Variants in PEMT observed in about 807,000 individuals in gnomAD.
PEMT encodes the protein phospholipid methyltransferase.
A neutral mutation model predicts 27.4 loss-of-function variants in PEMT; 23 were observed. That is an observed-to-expected ratio of 0.84 (90% CI 0.60 to 1.19). The LOEUF (loss-of-function observed/expected upper bound fraction) is 1.19. Ranked by LOEUF, PEMT falls within the 50% of genes most tolerant of loss-of-function variation. The pLI is 0.00. For missense variants in PEMT, 307 were observed against 310.1 expected, an observed-to-expected ratio of 0.99 and a Z score of 0.07; for synonymous variants, 137 against 139.1, an observed-to-expected ratio of 0.98 and a Z score of 0.11.
At chr17:17,506,574 T>C (rs1481334242) in intron 5 of PEMT, among the ~76,000 whole-genome samples, 2 of 152,242 alleles carry the variant, frequency 1.3e-5, no homozygotes, top group Non-Finnish European at 2.9e-5. Context: ...CTGCTCACTC[T>C]TTCCGGGTCT....
At chr17:17,515,779 T>C (rs984840128) in intron 3 of PEMT, among the ~76,000 whole-genome samples, 6 of 152,190 alleles carry the variant, frequency 3.9e-5, no homozygotes, top group African/African-American at 1.4e-4. Flanking sequence ...TGAGGTAATA[T>C]AGGACGCAAT....
In PEMT at chr17:17,561,764, G is replaced by A. The variant is rs1486275157; in HGVS notation, c.204+15156C>T. Among the ~76,000 whole-genome samples, 3 of 152,206 alleles carry A rather than the reference G, an allele frequency of 2.0e-5. No homozygotes were observed. Among genetic ancestry groups the A allele is most frequent in the East Asian group, 3.8e-4 (2 of 5,196 alleles). ...GGGGGCACAACCGCACCGGGCTCCC[G>A]AGGATGGCAAGGGGGACAGACTCCA... On this transcript the variant is annotated intron_variant, in intron 2 of 6. Coordinates refer to ENST00000255389, the MANE Select transcript of PEMT (RefSeq NM_148172.3). The surrounding 1 kb of genome is among the most constrained non-coding windows in gnomAD (Gnocchi z 4.5).
intron 4 of PEMT, among the ~76,000 whole-genome samples, chr17:17,511,315 T>G (rs1010951401): frequency 2.0e-5 from 3 of 152,348 alleles, no homozygotes; most frequent in Non-Finnish European, 4.4e-5. Context: ...CTACAGCGTC[T>G]GCCTGAGCAG....
chr17:17,536,984 G>A (rs931691079), intron 2 of PEMT, among the ~76,000 whole-genome samples: 12 of 152,256 alleles, frequency 7.9e-5, no homozygotes, highest in African/African-American at 2.4e-4. Context: ...GTCTCCCTCA[G>A]CAGGTAAGAC....
chr17:17,549,213 G>A (rs567891885), intron 2 of PEMT, among the ~76,000 whole-genome samples: 5 of 151,848 alleles, frequency 3.3e-5, no homozygotes, highest in South Asian at 2.1e-4. Flanking sequence ...TTTTTGAGAC[G>A]GAGTCTCACT....
intron 2 of PEMT, chr17:17,570,531 T>G (rs924583850): frequency 1.0e-6 from 1 of 984,768 alleles, no homozygotes; most frequent in South Asian, 4.7e-5. Flanking sequence ...GAGGGCAGGG[T>G]GAGGAGGCAT....
At position 17,514,615 on chromosome 17, in the gene PEMT, G is replaced by A. The variant is rs906079786; in HGVS notation, c.321-1961C>T. Among the ~76,000 whole-genome samples the A allele has an allele frequency of 5.3e-5, 8 of 152,234 alleles. No homozygotes were observed. In the East Asian group the frequency reaches 5.8e-4, roughly 11 times the overall value. On this transcript the variant is annotated intron_variant, in intron 3 of 6. Transcript: ENST00000255389. ...CCCTGCCCTGATCCTGCTGCTGCCC[G>A]GGCTCAGGGTCACCCCGCAGCTCCA...
At chr17:17,518,115 G>C in intron 3 of PEMT, 1 of 985,512 alleles carries the variant, frequency 1.0e-6, no homozygotes, top group Non-Finnish European at 1.2e-6. Flanking sequence ...GGAGACTCCA[G>C]GCAATTCCGA....
upstream of PEMT, chr17:17,591,767 G>T (rs1453618289): frequency 7.0e-7 from 1 of 1,436,796 alleles, no homozygotes; most frequent in African/African-American, 1.4e-5. Context: ...TCTGGGAAAT[G>T]TAGTTCCCCG....
At chr17:17,571,748 A>C (rs1911219362) in intron 2 of PEMT, among the ~76,000 whole-genome samples, 1 of 147,060 alleles carries the variant, frequency 6.8e-6, no homozygotes, top group African/African-American at 2.5e-5. Flanking sequence ...TCACTCTGCC[A>C]CCCAAACTGG....
intron 2 of PEMT, among the ~76,000 whole-genome samples, chr17:17,547,427 G>A (rs559422889): frequency 6.6e-6 from 1 of 152,228 alleles, no homozygotes; most frequent in Admixed American, 6.5e-5. Context: ...AGATGCGCTC[G>A]CCAAAGAACA....
Position 17,517,999 on chromosome 17 carries a change from C to G in PEMT, c.320+4281G>C, listed in dbSNP as rs559623596. The G allele has an allele frequency of 1.4e-5, 14 of 985,544 alleles. No homozygotes were observed. In the South Asian group the frequency reaches 5.6e-4, roughly 40 times the overall value. 61.0% of individuals were successfully genotyped at this position (985,544 alleles called of 1,614,324 possible). A position where few individuals can be genotyped will look rare whatever the true frequency, so the allele number is the denominator to read the frequency against. ...CTCCAGGTTGAGGAAGATTCCTGAT[C>G]GACAGCCACACTCCGAGGCCAGGAT... is the stretch of plus-strand genomic sequence containing the variant. On this transcript the variant is annotated intron_variant, in intron 3 of 6. Coordinates refer to ENST00000255389, the MANE Select transcript of PEMT (RefSeq NM_148172.3).
chr17:17,537,598 G>A (rs1908574013), intron 2 of PEMT, among the ~76,000 whole-genome samples: 1 of 152,220 alleles, frequency 6.6e-6, no homozygotes, highest in Non-Finnish European at 1.5e-5. Flanking sequence ...TGCTCTGCAC[G>A]TGGCCACCTC....
chr17:17,510,040 C>T lies in PEMT; in HGVS notation c.467-495G>A, dbSNP rs1238928241. 2.6e-5 allele frequency among the ~76,000 whole-genome samples: 4 copies of T among 152,170 alleles called. No homozygotes were observed. The East Asian group carries it at 5.8e-4, about 22-fold the overall frequency. On this transcript the variant is annotated intron_variant, in intron 4 of 6. Coordinates refer to ENST00000255389, the MANE Select transcript of PEMT (RefSeq NM_148172.3). ...CAGCTGGTTGCTAAGGGCTGCTCTG[C>T]TCCACACCCCAGGCTGTGTGGCTCT... is the stretch of plus-strand genomic sequence containing the variant.
rs141078890 is a variant in PEMT at position 17,528,622 on chromosome 17, C to T, written c.205-6227G>A. ...GTGACATACAAATGTCTGAGTGAGA[C>T]GTCCCCGGGGCAGCAGGGAGTCTGC... On this transcript the variant is annotated intron_variant, in intron 2 of 6. Coordinates refer to ENST00000255389, the MANE Select transcript of PEMT (RefSeq NM_148172.3). Among the ~76,000 whole-genome samples the T allele has an allele frequency of 3.0e-4, 45 of 152,308 alleles. No individual in the cohort carries two copies. The South Asian group carries it at 7.0e-3, about 24-fold the overall frequency.
chr17:17,514,742 C>G (rs1391251084), intron 3 of PEMT, among the ~76,000 whole-genome samples: 1 of 152,244 alleles, frequency 6.6e-6, no homozygotes. Flanking sequence ...ACCTTCTCCC[C>G]TGCCTGGCAC....
intron 5 of PEMT, chr17:17,507,007 G>C: frequency 1.5e-6 from 1 of 689,476 alleles, no homozygotes; most frequent in Non-Finnish European, 2.5e-6. Context: ...GCCGGATGGA[G>C]CATCGCCAGG....
chr17:17,512,152 G>C lies in PEMT; in HGVS notation c.466+357C>G, dbSNP rs545478154. Among the ~76,000 whole-genome samples the C allele has an allele frequency of 6.6e-6, 1 of 152,352 alleles. No homozygotes were observed. Among genetic ancestry groups the C allele is most frequent in the African/African-American group, 2.4e-5 (1 of 41,572 alleles). ...CAGGCTTCTGTGCAACAAGGCCTGA[G>C]AGTCTTCTGCAAGGGGGAGCTGGTG... On this transcript the variant is annotated intron_variant, in intron 4 of 6. Transcript: ENST00000255389. This position sits in a 1 kb window ranked among gnomAD's most constrained non-coding sequence, Gnocchi z 6.3.
At chr17:17,576,320 T>C (rs1911583981) in intron 2 of PEMT, among the ~76,000 whole-genome samples, 1 of 152,132 alleles carries the variant, frequency 6.6e-6, no homozygotes, top group South Asian at 2.1e-4. Flanking sequence ...TCGGTGCTGG[T>C]GCCCGGGCAC....
Sources: gnomAD v4.1 joint callset for allele counts (sites outside exome capture counted in the v4.1 genomes callset) on GRCh38, gnomAD v4.1.1 for gene constraint, Gnocchi (gnomAD v3.1) non-coding constraint, MANE v1.5 for transcripts, NCBI Gene and HGNC (gene_info 2026-07-23, HGNC 2026-07-21) for gene names.